The following LRBA variants were observed in gnomAD, a reference collection of about 807,000 sequenced individuals.
The protein encoded by LRBA is LPS responsive beige-like anchor protein.
A neutral mutation model predicts 330.0 loss-of-function variants in LRBA; 176 were observed. The observed-to-expected ratio is 0.53, with a 90% CI of 0.47 to 0.60. The LOEUF (loss-of-function observed/expected upper bound fraction) is 0.60, where lower values mean the gene tolerates loss of function less well. LRBA is among the 20% of genes least tolerant of loss of function. The pLI is 0.00. For synonymous variants in LRBA, 1,230 were observed against 1,193.0 expected, an observed-to-expected ratio of 1.03 and a Z score of -0.64; for missense variants, 3,259 against 3,444.8, an observed-to-expected ratio of 0.95 and a Z score of 1.35.
rs746867611 is a variant in LRBA, at chr4:150,817,264, TAAAG to T, written c.5172-11_5172-8del. ...TGCTGCAACAATGACACTTCTGTAA[TAAAG>T]AAAGTAAACAGACTGAAAGATACAA... is the stretch of plus-strand genomic sequence containing the variant. On this transcript the variant is annotated splice_region_variant and splice_polypyrimidine_tract_variant and intron_variant, in intron 30 of 56. Coordinates refer to ENST00000651943, the MANE Select transcript of LRBA (RefSeq NM_001364905.1). 7 of 1,610,494 alleles carry T rather than the reference TAAAG, an allele frequency of 4.3e-6. No homozygotes were observed. The African/African-American group carries it at 6.7e-5, about 15-fold the overall frequency.
intron 48 of LRBA, among the ~76,000 whole-genome samples, chr4:150,334,831 G>GTTTTTTTTTTTTTTTTTTTT (rs34140293): frequency 8.8e-6 from 1 of 113,622 alleles, no homozygotes; most frequent in Non-Finnish European, 1.9e-5. Flanking sequence ...TTTTGTCTTG[G>GTTTTTTTTTTTTTTTTTTTT]TTTTTTTTTT....
At chr4:150,924,936 A>T (rs1733723688) in intron 4 of LRBA, among the ~76,000 whole-genome samples, 1 of 151,972 alleles carries the variant, frequency 6.6e-6, no homozygotes, top group Non-Finnish European at 1.5e-5. Flanking sequence ...TAATCCTAGC[A>T]CTCTGGGAGG....
intron 2 of LRBA, among the ~76,000 whole-genome samples, chr4:151,000,895 G>A (rs1299024879): frequency 6.6e-6 from 1 of 152,214 alleles, no homozygotes; most frequent in Admixed American, 6.5e-5. Flanking sequence ...GCTCGGCTGG[G>A]AGCCGAGAGA....
At chr4:150,720,907 T>C in intron 36 of LRBA, 1 of 365,368 alleles carries the variant, frequency 2.7e-6, no homozygotes, top group Non-Finnish European at 5.3e-6. Flanking sequence ...AGTCAGAAGA[T>C]AACAAAGCAA....
At chr4:150,279,870 TA>T (rs1347379597) in intron 55 of LRBA, among the ~76,000 whole-genome samples, 2 of 152,232 alleles carry the variant, frequency 1.3e-5, no homozygotes, top group African/African-American at 4.8e-5. Context: ...AATTATTTGC[TA>T]CACTTATAAA....
intron 17 of LRBA, among the ~76,000 whole-genome samples, chr4:150,883,144 T>A (rs1728587236): frequency 6.6e-6 from 1 of 152,134 alleles, no homozygotes; most frequent in Non-Finnish European, 1.5e-5. Context: ...TCACCTCTGT[T>A]TTTTTCATGG....
rs542242410 is a variant in LRBA, at chr4:150,794,406, C to T, written c.5580+3675G>A. Among the ~76,000 whole-genome samples, 10 of 151,506 alleles carry T rather than the reference C, an allele frequency of 6.6e-5. No homozygotes were observed. The South Asian group carries it at 2.1e-3, about 32-fold the overall frequency. On this transcript the variant is annotated intron_variant, in intron 34 of 56. Coordinates refer to ENST00000651943, the MANE Select transcript of LRBA (RefSeq NM_001364905.1). ...ATATCATATATTCAGAAAAAATAAA[C>T]TCAAAATGGAGAAGAAACTTGGGAT...
intron 34 of LRBA, among the ~76,000 whole-genome samples, chr4:150,795,761 G>GT (rs1346334227): frequency 1.3e-5 from 2 of 151,856 alleles, no homozygotes. Flanking sequence ...ATAGTGATCT[G>GT]TTTGGTTTTA....
chr4:150,693,568 A>AAAAAG (rs1784345639), intron 36 of LRBA, among the ~76,000 whole-genome samples: 1 of 149,560 alleles, frequency 6.7e-6, no homozygotes, highest in African/African-American at 2.4e-5. Context: ...CGTCTCAAAA[A>AAAAAG]AAAAAAAAAA....
intron 2 of LRBA, among the ~76,000 whole-genome samples, chr4:151,004,561 T>G (rs1380605693): frequency 9.8e-5 from 15 of 152,332 alleles, no homozygotes; most frequent in Non-Finnish European, 4.4e-5. Context: ...CAGACCATGG[T>G]TAACGGAAGG....
At chr4:150,315,161 A>G (rs934580068) in intron 51 of LRBA, 5 of 267,972 alleles carry the variant, frequency 1.9e-5, no homozygotes, top group Middle Eastern at 1.2e-3. Context: ...CCCCACTGTT[A>G]TTATGAAAAT....
chr4:150,489,127 A>AAGAATATATAATATATAATATATC (rs1239291548), intron 41 of LRBA, among the ~76,000 whole-genome samples: 2,076 of 103,262 alleles, frequency 0.02, 93 homozygotes, highest in East Asian at 0.054. Flanking sequence ...TATAATATAT[A>AAGAATATATAATATATAATATATC]AGAATATATA....
intron 2 of LRBA, among the ~76,000 whole-genome samples, chr4:150,998,311 C>T (rs1422461652): frequency 6.6e-6 from 1 of 150,746 alleles, no homozygotes; most frequent in African/African-American, 2.4e-5. Context: ...CGAGATCACG[C>T]CACTGCACTC....
intron 40 of LRBA, among the ~76,000 whole-genome samples, chr4:150,515,087 TAAAG>T (rs1762200442): frequency 6.6e-6 from 1 of 152,088 alleles, no homozygotes; most frequent in Non-Finnish European, 1.5e-5. Context: ...TAAAAAGAGA[TAAAG>T]AGACTATCAA....
intron 2 of LRBA, among the ~76,000 whole-genome samples, chr4:151,004,361 C>T (rs961924857): frequency 1.3e-5 from 2 of 152,068 alleles, no homozygotes; most frequent in South Asian, 2.1e-4. Context: ...GCAATACTGC[C>T]GCAATCAATC....
chr4:151,007,867 AAAAAAAG>A (rs1418023905), intron 2 of LRBA, among the ~76,000 whole-genome samples: 1 of 151,902 alleles, frequency 6.6e-6, no homozygotes, highest in Non-Finnish European at 1.5e-5. Context: ...AAAAAAAAAA[AAAAAAAG>A]AATGTAGACC....
At chr4:150,724,175 C>G (rs1374913636) in intron 36 of LRBA, among the ~76,000 whole-genome samples, 1 of 152,132 alleles carries the variant, frequency 6.6e-6, no homozygotes, top group Non-Finnish European at 1.5e-5. Context: ...TAGTGCTGTG[C>G]AGGTTTCAGG....
intron 2 of LRBA, among the ~76,000 whole-genome samples, chr4:150,932,425 C>T (rs918190233): frequency 2.7e-5 from 4 of 148,594 alleles, no homozygotes; most frequent in African/African-American, 9.9e-5. Flanking sequence ...AAAAGTGGCA[C>T]TAAAACATGA....
At chr4:150,443,853 A>AAAAAAAATATAT (rs70941406) in intron 44 of LRBA, among the ~76,000 whole-genome samples, 3 of 75,470 alleles carry the variant, frequency 4.0e-5, no homozygotes, top group Admixed American at 1.4e-4. Flanking sequence ...TAATTAAAAA[A>AAAAAAAATATAT]ATATATATAT....
Sources: allele counts gnomAD v4.1 joint callset (sites outside exome capture counted in the v4.1 genomes callset), GRCh38; gene constraint gnomAD v4.1.1; transcripts MANE v1.5; gene names NCBI Gene and HGNC (gene_info 2026-07-23, HGNC 2026-07-21).